The following SEC23IP variants were observed in gnomAD, a reference collection of about 807,000 sequenced individuals.
The protein encoded by SEC23IP is SEC23 interacting protein.
A neutral mutation model predicts 113.4 loss-of-function variants in SEC23IP; 70 were observed. The ratio of observed to expected loss-of-function variants is 0.62; its 90% CI spans 0.51 to 0.75. The LOEUF (loss-of-function observed/expected upper bound fraction) is 0.75. Among genes scored for constraint, SEC23IP ranks in the 30% least tolerant of loss-of-function variants. The probability of loss-of-function intolerance (pLI) is 0.00; values close to 1 mark genes in which losing one functional copy is unlikely to be tolerated. For synonymous variants in SEC23IP, 398 were observed against 421.0 expected (o/e 0.95, Z 0.67); for missense variants, 1,160 against 1,204.9 (o/e 0.96, Z 0.55).
intron 12 of SEC23IP, among the ~76,000 whole-genome samples, chr10:119,924,012 C>G (rs1855335652): frequency 6.6e-6 from 1 of 152,190 alleles, no homozygotes; most frequent in Non-Finnish European, 1.5e-5. Context: ...AGTGAGAAAG[C>G]AGATTTAAAG....
chr10:119,917,965 G>A lies in SEC23IP; in HGVS notation c.1674G>A (p.Glu558=). ...CQTIVEKVGM[E]INHLHALFMS... The stretch of plus-strand genomic sequence containing the variant: ...CAATTGTGGAAAAAGTAGGAATGGA[G>A]ATAAACCATCTGCATGCACTCTTTA... Residue 558 remains glutamate, a synonymous_variant, in exon 9 of 19, where the codon GAG becomes GAA. Coordinates refer to ENST00000369075, the MANE Select transcript of SEC23IP (RefSeq NM_007190.4). 1 of 1,614,114 alleles carries A rather than the reference G, an allele frequency of 6.2e-7. No individual in the cohort carries two copies.
chr10:119,926,477 A>C (rs961702535), intron 13 of SEC23IP, among the ~76,000 whole-genome samples: 1 of 152,194 alleles, frequency 6.6e-6, no homozygotes, highest in African/African-American at 2.4e-5. Context: ...TCATACTTTT[A>C]TAGCATCAGT....
intron 11 of SEC23IP, among the ~76,000 whole-genome samples, chr10:119,920,505 A>G (rs1472589920): frequency 6.6e-6 from 1 of 152,244 alleles, no homozygotes; most frequent in African/African-American, 2.4e-5. Context: ...TAGAGCACAC[A>G]CACAGAGAAA....
At chr10:119,932,029 A>T in intron 15 of SEC23IP, 104 bp from the exon 16 acceptor site, 1 of 679,888 alleles carries the variant, frequency 1.5e-6, no homozygotes, top group Non-Finnish European at 2.6e-6. Context: ...AAAGAGGAAG[A>T]AACAGTCTTA....
intron 10 of SEC23IP, among the ~76,000 whole-genome samples, chr10:119,918,958 G>A (rs1313096589): frequency 6.6e-6 from 1 of 150,968 alleles, no homozygotes; most frequent in Non-Finnish European, 1.5e-5. Context: ...GGAGACTTGA[G>A]TGATTTATTA....
At chr10:119,907,737 G>A (rs774690475) in intron 4 of SEC23IP, among the ~76,000 whole-genome samples, 1 of 152,160 alleles carries the variant, frequency 6.6e-6, no homozygotes, top group Non-Finnish European at 1.5e-5. Flanking sequence ...GATCATCTGA[G>A]GTCAGGAGTT....
At chr10:119,907,990 T>C (rs1026814722) in intron 4 of SEC23IP, among the ~76,000 whole-genome samples, 1 of 152,150 alleles carries the variant, frequency 6.6e-6, no homozygotes, top group Non-Finnish European at 1.5e-5. Context: ...TAACTATTGA[T>C]ATCACATCTA....
chr10:119,925,964 C>CA, intron 12 of SEC23IP, 72 bp from the exon 13 acceptor site: 1 of 1,214,702 alleles, frequency 8.2e-7, no homozygotes, highest in Admixed American at 2.5e-5. Flanking sequence ...ACTGAGATAG[C>CA]ATGTTTTGTA....
intron 3 of SEC23IP, 84 bp from the exon 4 acceptor site, chr10:119,904,000 A>C: frequency 7.0e-7 from 1 of 1,432,316 alleles, no homozygotes; most frequent in Non-Finnish European, 9.6e-7. Context: ...GATTACAGGC[A>C]TGAGCCACTG....
chr10:119,907,715 C>A (rs1003063001), intron 4 of SEC23IP, among the ~76,000 whole-genome samples: 18 of 152,188 alleles, frequency 1.2e-4, no homozygotes, highest in Admixed American at 3.3e-4. Flanking sequence ...CTTTGGGAGG[C>A]TGAGGTGGAC....
intron 12 of SEC23IP, among the ~76,000 whole-genome samples, chr10:119,921,554 A>G (rs1174951393): frequency 6.6e-6 from 1 of 152,236 alleles, no homozygotes; most frequent in African/African-American, 2.4e-5. Context: ...GCTTAGCACC[A>G]AGTAATAGCT....
At chr10:119,915,689 A>T (rs1855026233) in intron 7 of SEC23IP, 59 bp from the exon 8 acceptor site, 1 of 1,242,836 alleles carries the variant, frequency 8.0e-7, no homozygotes. Flanking sequence ...GTAACTGCTG[A>T]CTAGCTATCA....
In SEC23IP at chr10:119,892,890, C is replaced by CTTCA; in HGVS notation, c.110_113dup (p.Pro39HisfsTer25). ...CCACGGAGTTCAGCTTCAATGTGCCCTTCATCCCAGTCACCCAGGCCTCCG... is the reference window on the plus strand; with the variant it reads ...CCACGGAGTTCAGCTTCAATGTGCCCTTCATTCATCCCAGTCACCCAGGCCTCCG... On this transcript the variant is annotated frameshift_variant, in exon 1 of 19. Coordinates refer to ENST00000369075, the MANE Select transcript of SEC23IP (RefSeq NM_007190.4). LOFTEE classifies it high-confidence loss of function. The CTTCA allele has an allele frequency of 6.2e-7, 1 of 1,613,704 alleles. No homozygotes were observed. The highest frequency in any genetic ancestry group is 1.1e-5 in the South Asian group (1 of 91,012).
intron 4 of SEC23IP, among the ~76,000 whole-genome samples, chr10:119,907,825 G>A (rs922863526): frequency 3.3e-5 from 5 of 152,248 alleles, no homozygotes; most frequent in African/African-American, 1.2e-4. Flanking sequence ...GTGGCTCATT[G>A]CCTGTAGTGC....
chr10:119,920,636 C>A (rs184763344), intron 11 of SEC23IP, among the ~76,000 whole-genome samples: 167 of 152,280 alleles, frequency 1.1e-3, no homozygotes, highest in African/African-American at 4.0e-3. Flanking sequence ...TCATCGTATG[C>A]TTGACTATAG....
At position 119,933,062 on chromosome 10, in the gene SEC23IP, T is replaced by G. The variant is rs769377138; in HGVS notation, c.2816T>G (p.Val939Gly). The G allele has an allele frequency of 5.0e-6, 8 of 1,613,946 alleles. No individual in the cohort carries two copies. The highest frequency in any genetic ancestry group is 1.3e-5 in the African/African-American group (1 of 74,922). ...FSKDEDYLGKVGMLNGGRRID... is the reference protein window; with the variant it reads ...FSKDEDYLGKGGMLNGGRRID... The stretch of plus-strand genomic sequence containing the variant: ...AAGGATGAGGACTACTTAGGAAAGG[T>G]TGGAATGTTAAATGGAGGCCGCCGA... Residue 939 changes from valine (V) to glycine (G), a missense_variant, in exon 17 of 19, where the codon GTT (valine) becomes GGT (glycine). By Grantham distance (109) the Val-to-Gly change is moderately radical. Coordinates refer to ENST00000369075, the MANE Select transcript of SEC23IP (RefSeq NM_007190.4).
chr10:119,912,269 C>A, intron 6 of SEC23IP, 105 bp downstream of exon 6: 1 of 1,205,794 alleles, frequency 8.3e-7, no homozygotes, highest in Non-Finnish European at 1.2e-6. Context: ...TGCCCTGCCA[C>A]AGCAGCCATT....
Position 119,933,667 on chromosome 10 carries a change from A to T in SEC23IP, c.2922-19A>T. The stretch of plus-strand genomic sequence containing the variant: ...TCTTCTAATTGTCTCTTAAGTAAAT[A>T]TGCTTTTCCTTTTCATAGGGAATCT... On this transcript the variant is annotated intron_variant, in intron 17 of 18. Coordinates refer to ENST00000369075, the MANE Select transcript of SEC23IP (RefSeq NM_007190.4). 3 of 1,348,478 alleles carry T rather than the reference A, an allele frequency of 2.2e-6. No individual in the cohort carries two copies. The highest frequency in any genetic ancestry group is 3.2e-6 in the Non-Finnish European group (3 of 940,266). The allele number at this position is 1,348,478 out of a possible 1,614,324, so 83.5% of individuals were successfully genotyped here.
intron 18 of SEC23IP, among the ~76,000 whole-genome samples, chr10:119,935,656 G>A (rs1855753678): frequency 6.6e-6 from 1 of 152,126 alleles, no homozygotes; most frequent in African/African-American, 2.4e-5. Context: ...CACAGCAGTG[G>A]ACCAAAGCCT....
Sources: allele counts gnomAD v4.1 joint callset (sites outside exome capture counted in the v4.1 genomes callset), GRCh38; gene constraint gnomAD v4.1.1; transcripts MANE v1.5; gene names NCBI Gene and HGNC (gene_info 2026-07-23, HGNC 2026-07-21).